DLG2: variants seen among roughly 807,000 people sequenced by gnomAD.
DLG2 encodes the protein disks large homolog 2.
In DLG2, 45 loss-of-function variants were observed where a neutral mutation model predicts 132.5. The observed-to-expected ratio is 0.34, with a 90% confidence interval of 0.27 to 0.44. The LOEUF is 0.44. Ranked by LOEUF, DLG2 falls within the 20% of genes least tolerant of loss-of-function variation. The pLI is 1.00. For synonymous variants in DLG2, 424 were observed against 419.6 expected (o/e 1.01, Z -0.13); for missense variants, 1,045 against 1,196.9 (o/e 0.87, Z 1.87).
chr11:83,588,316 G>T (rs1036087653), intron 19 of DLG2, among the ~76,000 whole-genome samples: 1 of 150,412 alleles, frequency 6.6e-6, no homozygotes, highest in Non-Finnish European at 1.5e-5. Context: ...CCTCAAGTGG[G>T]TCTCTGACCC....
At chr11:83,580,014 C>T (rs574527619) in intron 19 of DLG2, among the ~76,000 whole-genome samples, 1 of 151,840 alleles carries the variant, frequency 6.6e-6, no homozygotes, top group Admixed American at 6.6e-5. Flanking sequence ...TAAATTTGGT[C>T]AGTATGTGAC....
intron 6 of DLG2, among the ~76,000 whole-genome samples, chr11:84,777,985 T>C (rs2070994663): frequency 6.6e-6 from 1 of 152,198 alleles, no homozygotes; most frequent in African/African-American, 2.4e-5. Flanking sequence ...ATTTTTGGTT[T>C]TGTTGCCTGT....
intron 3 of DLG2, among the ~76,000 whole-genome samples, chr11:85,347,882 C>G (rs1433483972): frequency 7.1e-6 from 1 of 141,154 alleles, no homozygotes. Context: ...CGGCACATTG[C>G]AGCCTCGACC....
rs114572295 is a variant in DLG2 at position 85,425,033 on chromosome 11, C to A, written c.41-139668G>T. ...ACTTCTAGAGCAAAAAACAAACAAA[C>A]AAACAAAAAAACAAACCCACCACAT... On this transcript the variant is annotated intron_variant, in intron 3 of 27. Coordinates refer to ENST00000376104, the MANE Select transcript of DLG2 (RefSeq NM_001142699.3). Among the ~76,000 whole-genome samples the A allele has an allele frequency of 4.9e-3, 150 of 30,708 alleles. 1 individual carries two copies. The Middle Eastern group carries it at 0.13, about 27-fold the overall frequency. The allele number at this position is 30,708 out of a possible 152,430, so 20.1% of individuals were successfully genotyped here. A position where few individuals can be genotyped will look rare whatever the true frequency, so the allele number is the denominator to read the frequency against.
intron 4 of DLG2, among the ~76,000 whole-genome samples, chr11:85,174,659 A>G (rs2079097234): frequency 1.3e-5 from 2 of 152,172 alleles, no homozygotes; most frequent in African/African-American, 4.8e-5. Flanking sequence ...CCCTTCAAAA[A>G]AGTCAATAAA....
At chr11:85,283,319 C>A in intron 4 of DLG2, among the ~76,000 whole-genome samples, 1 of 148,922 alleles carries the variant, frequency 6.7e-6, no homozygotes, top group Non-Finnish European at 1.5e-5. Context: ...CAATGAAAGC[C>A]TAGAAAAAAA....
chr11:85,487,420 TAA>T (rs796957220), intron 3 of DLG2, among the ~76,000 whole-genome samples: 22 of 108,140 alleles, frequency 2.0e-4, no homozygotes, highest in Middle Eastern at 5.2e-3. Context: ...ACCAAAAAAT[TAA>T]AAAAAAAAAA....
intron 7 of DLG2, among the ~76,000 whole-genome samples, chr11:84,482,869 G>A (rs1188104316): frequency 6.6e-6 from 1 of 152,096 alleles, no homozygotes; most frequent in East Asian, 1.9e-4. Context: ...AATGAACAAT[G>A]GGTAACAAAA....
intron 8 of DLG2, among the ~76,000 whole-genome samples, chr11:84,248,869 G>T (rs182173980): frequency 6.6e-6 from 1 of 152,120 alleles, no homozygotes; most frequent in African/African-American, 2.4e-5. Flanking sequence ...GCAAGACTCT[G>T]TCTCAACAGC....
At chr11:83,886,258 AC>A (rs1231300071) in intron 15 of DLG2, among the ~76,000 whole-genome samples, 1 of 152,206 alleles carries the variant, frequency 6.6e-6, no homozygotes, top group Non-Finnish European at 1.5e-5. Flanking sequence ...AGGAAGATCT[AC>A]CAAGCAAATG....
chr11:83,919,545 T>A (rs1254731962), intron 15 of DLG2, among the ~76,000 whole-genome samples: 1 of 152,206 alleles, frequency 6.6e-6, no homozygotes, highest in Non-Finnish European at 1.5e-5. Flanking sequence ...TCTCCTTTTT[T>A]ACATTACAGG....
intron 15 of DLG2, among the ~76,000 whole-genome samples, chr11:83,929,718 T>C (rs1325041951): frequency 6.6e-6 from 1 of 152,150 alleles, no homozygotes; most frequent in Admixed American, 6.5e-5. Flanking sequence ...TGGGAGCAGT[T>C]AAATAAGAGA....
chr11:84,248,997 A>G (rs894843794), intron 8 of DLG2, among the ~76,000 whole-genome samples: 1 of 152,254 alleles, frequency 6.6e-6, no homozygotes, highest in Non-Finnish European at 1.5e-5. Flanking sequence ...TCATTTTACT[A>G]GCTAATCATT....
intron 8 of DLG2, among the ~76,000 whole-genome samples, chr11:84,227,845 C>T (rs547472328): frequency 6.9e-5 from 10 of 145,126 alleles, no homozygotes; most frequent in Admixed American, 1.5e-4. Flanking sequence ...ACTCGGGAGG[C>T]GGAGGTTGCA....
chr11:84,710,431 C>T (rs1353454167), intron 6 of DLG2, among the ~76,000 whole-genome samples: 1 of 151,962 alleles, frequency 6.6e-6, no homozygotes, highest in East Asian at 1.9e-4. Flanking sequence ...AATGAGGATA[C>T]TTGAGACATG....
At chr11:84,095,983 T>C (rs754187181) in intron 10 of DLG2, among the ~76,000 whole-genome samples, 31 of 152,266 alleles carry the variant, frequency 2.0e-4, no homozygotes, top group African/African-American at 4.6e-4. Flanking sequence ...TGTGGCTCAA[T>C]AGAAAAACAG....
intron 21 of DLG2, among the ~76,000 whole-genome samples, chr11:83,501,199 TTTC>T (rs1208093206): frequency 1.1e-4 from 15 of 131,962 alleles, no homozygotes; most frequent in Admixed American, 3.7e-4. Context: ...CTGTTTTTCT[TTTC>T]TTTTTTTTTT....
intron 6 of DLG2, among the ~76,000 whole-genome samples, chr11:85,040,757 T>C (rs1454947122): frequency 6.6e-6 from 1 of 151,888 alleles, no homozygotes; most frequent in East Asian, 1.9e-4. Flanking sequence ...GTTGATTTGT[T>C]TAATCCTCAT....
At chr11:85,046,190 A>G (rs1321001400) in intron 6 of DLG2, among the ~76,000 whole-genome samples, 2 of 152,044 alleles carry the variant, frequency 1.3e-5, no homozygotes, top group African/African-American at 4.8e-5. Flanking sequence ...CCTCTATGAT[A>G]AAGAAAATAA....
Sources: allele counts gnomAD v4.1 joint callset (sites outside exome capture counted in the v4.1 genomes callset), GRCh38; gene constraint gnomAD v4.1.1; transcripts MANE v1.5; gene names NCBI Gene and HGNC (gene_info 2026-07-23, HGNC 2026-07-21).